The following SCN4A variants were observed in gnomAD, a reference collection of about 807,000 sequenced individuals.
The protein encoded by SCN4A is sodium voltage-gated channel alpha subunit 4.
In SCN4A, 83 loss-of-function variants were observed where a neutral mutation model predicts 162.0. The ratio of observed to expected loss-of-function variants is 0.51; its 90% confidence interval spans 0.43 to 0.61. The LOEUF (loss-of-function observed/expected upper bound fraction) is 0.61, where lower values mean the gene tolerates loss of function less well. Among genes scored for constraint, SCN4A ranks in the 20% least tolerant of loss-of-function variants. SCN4A has a pLI of 0.00. For missense variants in SCN4A, 2,196 were observed against 2,462.5 expected, an observed-to-expected ratio of 0.89 and a Z score of 2.29; for synonymous variants, 944 against 985.1, an observed-to-expected ratio of 0.96 and a Z score of 0.78.
chr17:63,971,253 C>T lies in SCN4A; in HGVS notation c.612G>A (p.Ala204=). 1 of 1,548,124 alleles carries T rather than the reference C, an allele frequency of 6.5e-7. No individual in the cohort carries two copies. The highest frequency in any genetic ancestry group is 8.8e-7 in the Non-Finnish European group (1 of 1,142,688). Reference sequence around the variant, plus strand: ...CCAAGTCCACAAACTCTGTCAGGTACCTGGGTAGGGGGTGGAGGGGGGTGG... The same window carrying T: ...CCAAGTCCACAAACTCTGTCAGGTATCTGGGTAGGGGGTGGAGGGGGGTGG... ...NWLDFSVIMM[A]YLTEFVDLGN... Residue 204 remains alanine (A), a splice_region_variant and synonymous_variant, in exon 5 of 24, where the codon GCG becomes GCA. Coordinates refer to ENST00000435607, the MANE Select transcript of SCN4A (RefSeq NM_000334.4).
At chr17:63,963,585 A>G (rs1425258822) in intron 10 of SCN4A, 87 bp downstream of exon 10, 2 of 1,393,970 alleles carry the variant, frequency 1.4e-6, no homozygotes, top group Admixed American at 5.2e-5. Context: ...CAGGGCACTC[A>G]CCTTCCATGG....
Position 63,957,241 on chromosome 17 carries a change from A to G in SCN4A, c.2297T>C (p.Met766Thr), listed in dbSNP as rs531287816. ...GCCGGCCACCTCCATGCAGTCCCAC[A>G]TGGTCTCGATCCACTCCCCGCACAG... ...RILCGEWIETMWDCMEVAGQA... is the reference protein window; with the variant it reads ...RILCGEWIETTWDCMEVAGQA... Residue 766 changes from methionine to threonine, a missense_variant, in exon 13 of 24, where the codon ATG becomes ACG. By Grantham distance (81) the Met-to-Thr change is moderately conservative. Coordinates refer to ENST00000435607, the MANE Select transcript of SCN4A (RefSeq NM_000334.4). 1.5e-5 allele frequency: 24 copies of G among 1,612,260 alleles called. No homozygotes were observed. In the East Asian group the frequency reaches 2.0e-4, roughly 13 times the overall value.
rs753083767 is a variant in SCN4A, at chr17:63,945,347, G to T, written c.3720+13C>A. 5 of 1,603,020 alleles carry T rather than the reference G, an allele frequency of 3.1e-6. No homozygotes were observed. The African/African-American group carries it at 5.4e-5, about 17-fold the overall frequency. On this transcript the variant is annotated intron_variant, in intron 19 of 23. Transcript: ENST00000435607. This position sits in a 1 kb window ranked among gnomAD's most constrained non-coding sequence, Gnocchi z 4.4. ...CATCCAGGTTCCCGGCAGGGGTGGT[G>T]GGTCACACTCACCACCTGCAGGAGG...
At chr17:63,965,601 T>G (rs1371103110) in intron 8 of SCN4A, among the ~76,000 whole-genome samples, 1 of 152,140 alleles carries the variant, frequency 6.6e-6, no homozygotes. Flanking sequence ...CAATTCTCCC[T>G]CCTCAGCCTC....
rs768071512 is a variant in SCN4A, at chr17:63,941,583, C to T, written c.4699G>A (p.Asp1567Asn). The T allele has an allele frequency of 6.2e-7, 1 of 1,613,992 alleles. No homozygotes were observed. The highest frequency in any genetic ancestry group is 8.5e-7 in the Non-Finnish European group (1 of 1,180,018). The change falls in exon 24 of 24, where the codon GAC becomes AAC. Residue 1567 changes from aspartate (D) to asparagine (N), a missense_variant. Asp to Asn is a conservative substitution (Grantham distance 23). Coordinates refer to ENST00000435607, the MANE Select transcript of SCN4A (RefSeq NM_000334.4). The surrounding 1 kb of genome is among the most constrained non-coding windows in gnomAD (Gnocchi z 6.2). ...ATGCCGATGGAGGGGTTGCCGCAGT[C>T]ACCCTTGACACTGGTGCCCGGGTTC... Reference protein sequence around the residue: ...LENPGTSVKGDCGNPSIGICF... With the variant: ...LENPGTSVKGNCGNPSIGICF...
In SCN4A at chr17:63,972,700, C is replaced by A. The variant is rs769361537; in HGVS notation, c.142G>T (p.Glu48Ter). Reference protein sequence around the residue: ...RLQRNKQMEIEEPERKPRSDL... With the variant: ...RLQRNKQMEI ...CTTCGTGGCTTCCGTTCGGGCTCCT[C>A]AATCTCCATCTGCTTATTCCGCTGC... Residue 48 changes from glutamate to a stop codon, truncating the protein, a stop_gained, in exon 1 of 24, where the codon GAG becomes TAG. Transcript: ENST00000435607. LOFTEE classifies it high-confidence loss of function. This position sits in a 1 kb window ranked among gnomAD's most constrained non-coding sequence, Gnocchi z 4.3. The A allele has an allele frequency of 6.2e-7, 1 of 1,613,750 alleles. No homozygotes were observed. Among genetic ancestry groups the A allele is most frequent in the Non-Finnish European group, 8.5e-7 (1 of 1,179,786 alleles).
intron 16 of SCN4A, 101 bp downstream of exon 16, chr17:63,948,510 C>T (rs911460293): frequency 1.9e-6 from 2 of 1,052,010 alleles, no homozygotes; most frequent in East Asian, 5.0e-5. Flanking sequence ...TTGGGACTGA[C>T]CAGAGCATGG....
rs1908448797 is a variant in SCN4A at position 63,939,394 on chromosome 17, A to G, written c.*1377T>C. 1 of 152,444 alleles carries G rather than the reference A, an allele frequency of 6.6e-6. No individual in the cohort carries two copies. The highest frequency in any genetic ancestry group is 2.1e-4 in the South Asian group (1 of 4,838). The allele number at this position is 152,444 out of a possible 1,614,324, so 9.4% of individuals were successfully genotyped here. The stretch of plus-strand genomic sequence containing the variant: ...CACATATATACACATATATACAAAG[A>G]TACCCAGACACGTGCATAATGCAGG... On this transcript the variant is annotated 3_prime_UTR_variant, in exon 24 of 24. Transcript: ENST00000435607.
rs2144813188 is a variant in SCN4A at position 63,971,235 on chromosome 17, C to T, written c.630G>A (p.Val210=). ...VIMMAYLTEF[V]DLGNISALRT... ...TCAGGGCTGAGATGTTGCCCAAGTCCACAAACTCTGTCAGGTACCTGGGTA... is the reference window on the plus strand; with the variant it reads ...TCAGGGCTGAGATGTTGCCCAAGTCTACAAACTCTGTCAGGTACCTGGGTA... The change falls in exon 5 of 24, where the codon GTG becomes GTA. Residue 210 remains valine (V), a synonymous_variant. Transcript: ENST00000435607. 2 of 1,555,096 alleles carry T rather than the reference C, an allele frequency of 1.3e-6. No homozygotes were observed. The highest frequency in any genetic ancestry group is 2.4e-5 in the East Asian group (1 of 41,898).
At chr17:63,959,054 C>A (rs1035918773) in intron 12 of SCN4A, among the ~76,000 whole-genome samples, 3 of 152,186 alleles carry the variant, frequency 2.0e-5, no homozygotes, top group Admixed American at 6.5e-5. Flanking sequence ...TGGGTCCCCC[C>A]AGCAGCCCTA....
chr17:63,972,295 G>A lies in SCN4A; in HGVS notation c.392+57C>T. 6.3e-7 allele frequency: 1 copy of A among 1,585,876 alleles called. No homozygotes were observed. Among genetic ancestry groups the A allele is most frequent in the South Asian group, 1.1e-5 (1 of 89,204 alleles). ...GTGATAGAGGGTCTCCTGGGCCACAGCACCCCATCTCGCCCATCCCTAACC... is the reference window on the plus strand; with the variant it reads ...GTGATAGAGGGTCTCCTGGGCCACAACACCCCATCTCGCCCATCCCTAACC... On this transcript the variant is annotated intron_variant, in intron 2 of 23. Coordinates refer to ENST00000435607, the MANE Select transcript of SCN4A (RefSeq NM_000334.4). This position sits in a 1 kb window ranked among gnomAD's most constrained non-coding sequence, Gnocchi z 4.3.
intron 17 of SCN4A, 45 bp from the exon 18 acceptor site, chr17:63,947,212 C>T: frequency 1.9e-6 from 3 of 1,609,932 alleles, no homozygotes; most frequent in Non-Finnish European, 1.7e-6. Context: ...AGGCCCCCAG[C>T]CTCCCCTCAA....
intron 23 of SCN4A, among the ~76,000 whole-genome samples, chr17:63,942,326 A>C (rs940030054): frequency 6.6e-6 from 1 of 151,874 alleles, no homozygotes; most frequent in African/African-American, 2.4e-5. Context: ...ACAGAGAGAG[A>C]GGGAGACAGA....
rs548721699 is a variant in SCN4A, at chr17:63,947,119, C to G, written c.3367G>C (p.Gly1123Arg). 6.2e-7 allele frequency: 1 copy of G among 1,613,630 alleles called. No individual in the cohort carries two copies. The highest frequency in any genetic ancestry group is 8.5e-7 in the Non-Finnish European group (1 of 1,179,794). ...AGTGTCCGCAGGGATTTGATGGGTC[C>G]CAGCTCCGAGTAGCCCAGCCAGTTG... ...VANWLGYSEL[G>R]PIKSLRTLRA... is the part of the protein sequence containing the mutation. The change falls in exon 18 of 24, where the codon GGA (glycine) becomes CGA (arginine). Residue 1123 changes from glycine (G) to arginine (R), a missense_variant. Gly to Arg is a moderately radical substitution (Grantham distance 125). Transcript: ENST00000435607.
In SCN4A at chr17:63,948,612, A is replaced by T; in HGVS notation, c.3143T>A (p.Leu1048Gln). The T allele has an allele frequency of 6.2e-7, 1 of 1,613,096 alleles. No homozygotes were observed. The highest frequency in any genetic ancestry group is 1.1e-5 in the South Asian group (1 of 91,034). Residue 1048 changes from leucine (L) to glutamine (Q), a missense_variant and splice_region_variant, in exon 16 of 24, where the codon CTG (leucine) becomes CAG (glutamine). Coordinates refer to ENST00000435607, the MANE Select transcript of SCN4A (RefSeq NM_000334.4). ...VFMILLSSGALAFEDIYIEQR... is the reference protein window; with the variant it reads ...VFMILLSSGAQAFEDIYIEQR... ...CCCGTGCTCCCAGGCAGTGCCTACC[A>T]GAGCCCCACTGCTGAGCAGGATCAT...
At chr17:63,946,911 A>G in intron 18 of SCN4A, 134 bp downstream of exon 18, 1 of 871,634 alleles carries the variant, frequency 1.1e-6, no homozygotes, top group South Asian at 1.7e-5. Context: ...ACCTGGCCTC[A>G]GGCAGGGCCG....
chr17:63,942,626 G>A (rs564650707), intron 23 of SCN4A, among the ~76,000 whole-genome samples, 200 bp downstream of exon 23: 1 of 152,374 alleles, frequency 6.6e-6, no homozygotes, highest in South Asian at 2.1e-4. Context: ...GTCCTGAGGT[G>A]CATCCATGTG....
chr17:63,959,530 G>T lies in SCN4A; in HGVS notation c.1846-92C>A, dbSNP rs565606927. On this transcript the variant is annotated intron_variant, in intron 11 of 23. Transcript: ENST00000435607. ...CAACTCCCACCTCCTGGCAGAGGCTGCGGGGGCGGAGGGGAAGGGGTCCAG... is the reference window on the plus strand; with the variant it reads ...CAACTCCCACCTCCTGGCAGAGGCTTCGGGGGCGGAGGGGAAGGGGTCCAG... 8.7e-5 allele frequency: 108 copies of T among 1,246,554 alleles called. No individual in the cohort carries two copies. In the African/African-American group the frequency reaches 1.4e-3, roughly 16 times the overall value. 77.2% of individuals were successfully genotyped at this position (1,246,554 alleles called of 1,614,324 possible). A position where few individuals can be genotyped will look rare whatever the true frequency, so the allele number is the denominator to read the frequency against.
intron 6 of SCN4A, among the ~76,000 whole-genome samples, chr17:63,966,821 G>T (rs1385178308): frequency 6.6e-6 from 1 of 152,220 alleles, no homozygotes; most frequent in South Asian, 2.1e-4. Context: ...GAACGTGTAC[G>T]TGTGTGCATG....
Sources: gnomAD v4.1 joint callset for allele counts (sites outside exome capture counted in the v4.1 genomes callset) on GRCh38, gnomAD v4.1.1 for gene constraint, Gnocchi (gnomAD v3.1) non-coding constraint, MANE v1.5 for transcripts, NCBI Gene and HGNC (gene_info 2026-07-23, HGNC 2026-07-21) for gene names.